Variants in PTPRD observed in about 807,000 individuals in gnomAD.
PTPRD encodes the protein protein tyrosine phosphatase receptor type D.
A neutral mutation model predicts 214.5 loss-of-function variants in PTPRD; 34 were observed. The ratio of observed to expected loss-of-function variants is 0.16; its 90% CI spans 0.12 to 0.21. PTPRD has a LOEUF of 0.21. PTPRD is among the 10% of genes least tolerant of loss of function. The pLI, the probability that PTPRD is intolerant of heterozygous loss-of-function variation, is 1.00. For synonymous variants in PTPRD, 1,128 were observed against 845.7 expected, an observed-to-expected ratio of 1.33 and a Z score of -5.79; for missense variants, 2,545 against 2,398.7, an observed-to-expected ratio of 1.06 and a Z score of -1.27.
intron 4 of PTPRD, among the ~76,000 whole-genome samples, chr9:9,970,670 G>A (rs1234122489): frequency 1.3e-5 from 2 of 152,082 alleles, no homozygotes; most frequent in East Asian, 3.9e-4. Flanking sequence ...AGAACATGAA[G>A]AAAGGGCATT....
chr9:10,462,622 A>G (rs1410387711), intron 2 of PTPRD, among the ~76,000 whole-genome samples: 1 of 152,096 alleles, frequency 6.6e-6, no homozygotes, highest in Non-Finnish European at 1.5e-5. Context: ...TAAGAGTAAG[A>G]GATGTGCCTA....
At chr9:10,381,041 C>A (rs952111125) in intron 2 of PTPRD, among the ~76,000 whole-genome samples, 4 of 151,306 alleles carry the variant, frequency 2.6e-5, no homozygotes, top group Non-Finnish European at 5.9e-5. Context: ...GTAGGACGCT[C>A]AACTCAGTAA....
intron 11 of PTPRD, among the ~76,000 whole-genome samples, chr9:8,929,004 A>T (rs879038615): frequency 6.6e-6 from 1 of 152,158 alleles, no homozygotes; most frequent in Non-Finnish European, 1.5e-5. Context: ...TTATTGGTGT[A>T]TAGGAATGCC....
At chr9:10,519,554 G>A (rs982945782) in intron 2 of PTPRD, among the ~76,000 whole-genome samples, 3 of 151,726 alleles carry the variant, frequency 2.0e-5, no homozygotes, top group Non-Finnish European at 4.4e-5. Context: ...ATGTGTCTTA[G>A]CACATAGAGG....
At chr9:8,424,141 A>G (rs1455618317) in intron 35 of PTPRD, among the ~76,000 whole-genome samples, 1 of 152,180 alleles carries the variant, frequency 6.6e-6, no homozygotes, top group Non-Finnish European at 1.5e-5. Flanking sequence ...CTGATGTTGA[A>G]AAGCAAAAAT....
At chr9:8,634,763 T>C (rs973066061) in intron 13 of PTPRD, among the ~76,000 whole-genome samples, 14 of 152,022 alleles carry the variant, frequency 9.2e-5, no homozygotes, top group African/African-American at 2.4e-5. Context: ...AAAGCAACTA[T>C]AAACCCAATT....
intron 3 of PTPRD, among the ~76,000 whole-genome samples, chr9:10,179,349 A>T (rs2154304870): frequency 6.6e-6 from 1 of 152,172 alleles, no homozygotes; most frequent in Non-Finnish European, 1.5e-5. Context: ...CTCTTAGAAG[A>T]TATTGCCAAC....
At chr9:8,842,142 A>T (rs2097571099) in intron 11 of PTPRD, among the ~76,000 whole-genome samples, 1 of 152,174 alleles carries the variant, frequency 6.6e-6, no homozygotes, top group African/African-American at 2.4e-5. Context: ...ATGCAAAAAA[A>T]ACTGCAATAA....
intron 9 of PTPRD, among the ~76,000 whole-genome samples, chr9:9,338,629 CA>C (rs1418244538): frequency 6.6e-6 from 1 of 152,040 alleles, no homozygotes; most frequent in African/African-American, 2.4e-5. Flanking sequence ...AGCATTTATT[CA>C]AAATTTTTAA....
intron 14 of PTPRD, among the ~76,000 whole-genome samples, chr9:8,608,526 C>G (rs1338866013): frequency 2.6e-5 from 4 of 152,064 alleles, no homozygotes; most frequent in African/African-American, 7.2e-5. Flanking sequence ...CACTTAGAAC[C>G]ACTCAGAGAC....
At chr9:10,462,623 G>C (rs1309816943) in intron 2 of PTPRD, among the ~76,000 whole-genome samples, 4 of 151,990 alleles carry the variant, frequency 2.6e-5, no homozygotes, top group African/African-American at 9.7e-5. Flanking sequence ...AAGAGTAAGA[G>C]ATGTGCCTAT....
intron 2 of PTPRD, among the ~76,000 whole-genome samples, chr9:10,526,722 C>T (rs561009710): frequency 6.6e-6 from 1 of 152,164 alleles, no homozygotes; most frequent in Non-Finnish European, 1.5e-5. Context: ...TTCCACCCAC[C>T]CCTACTGGCA....
intron 4 of PTPRD, among the ~76,000 whole-genome samples, chr9:9,989,621 C>T (rs531816140): frequency 3.0e-4 from 45 of 152,256 alleles, no homozygotes; most frequent in Admixed American, 8.5e-4. Context: ...TTTTTTCACA[C>T]GACCTCATTC....
At chr9:10,196,044 C>T (rs571674614) in intron 3 of PTPRD, among the ~76,000 whole-genome samples, 2 of 151,932 alleles carry the variant, frequency 1.3e-5, no homozygotes, top group Non-Finnish European at 1.5e-5. Flanking sequence ...AAGAACTCTA[C>T]GGGGGATGAA....
intron 7 of PTPRD, among the ~76,000 whole-genome samples, chr9:9,724,732 A>G (rs935401542): frequency 3.3e-5 from 5 of 152,176 alleles, no homozygotes; most frequent in Non-Finnish European, 7.4e-5. Context: ...CAAAAGTTGC[A>G]TGTAATATCT....
chr9:8,470,756 C>G (rs1011496471), intron 31 of PTPRD, among the ~76,000 whole-genome samples: 2 of 152,102 alleles, frequency 1.3e-5, no homozygotes, highest in Non-Finnish European at 2.9e-5. Context: ...AATGTTAAGG[C>G]CAACAAAGAT....
chr9:8,717,349 G>C (rs775586173), intron 12 of PTPRD, among the ~76,000 whole-genome samples: 9 of 152,082 alleles, frequency 5.9e-5, no homozygotes, highest in Admixed American at 6.5e-5. Flanking sequence ...GACTCATCAA[G>C]CACTTATAAA....
chr9:8,946,532 G>A (rs2154299141), intron 11 of PTPRD, among the ~76,000 whole-genome samples: 1 of 152,298 alleles, frequency 6.6e-6, no homozygotes, highest in East Asian at 1.9e-4. Flanking sequence ...CTTGGTAGCT[G>A]TAGCTGATGG....
intron 2 of PTPRD, among the ~76,000 whole-genome samples, chr9:10,498,139 C>A (rs1045637063): frequency 1.3e-5 from 2 of 151,862 alleles, no homozygotes; most frequent in Non-Finnish European, 2.9e-5. Flanking sequence ...TGGTTGAACT[C>A]CCTTTAGGAT....
Sources: gnomAD v4.1 joint callset for allele counts (sites outside exome capture counted in the v4.1 genomes callset) on GRCh38, gnomAD v4.1.1 for gene constraint, MANE v1.5 for transcripts, NCBI Gene and HGNC (gene_info 2026-07-23, HGNC 2026-07-21) for gene names.